FOXK1: variants seen among roughly 807,000 people sequenced by gnomAD.
The protein encoded by FOXK1 is forkhead box K1, also known as forkhead box protein K1.
Under a neutral mutation model 51.9 loss-of-function variants are expected in FOXK1, and 19 were observed. The ratio of observed to expected loss-of-function variants is 0.37; its 90% confidence interval spans 0.26 to 0.54. FOXK1 has a LOEUF of 0.54. Ranked by LOEUF, FOXK1 falls within the 20% of genes least tolerant of loss-of-function variation. The probability of loss-of-function intolerance (pLI) is 0.87; values close to 1 mark genes in which losing one functional copy is unlikely to be tolerated. For missense variants in FOXK1, 870 were observed against 1,032.7 expected (o/e 0.84, Z 2.16); for synonymous variants, 537 against 482.6 (o/e 1.11, Z -1.48).
In FOXK1 at chr7:4,711,980, C is replaced by T. The variant is rs1282207443; in HGVS notation, c.561-28858C>T. Among the ~76,000 whole-genome samples the T allele has an allele frequency of 6.6e-6, 1 of 151,024 alleles. No homozygotes were observed. Among genetic ancestry groups the T allele is most frequent in the Non-Finnish European group, 1.5e-5 (1 of 67,886 alleles). On this transcript the variant is annotated intron_variant, in intron 1 of 8. Coordinates refer to ENST00000328914, the MANE Select transcript of FOXK1 (RefSeq NM_001037165.2). This position sits in a 1 kb window ranked among gnomAD's most constrained non-coding sequence, Gnocchi z 6.3. ...GTGCCGCCGAGCAGGAGGGAGGACG[C>T]GGCAGGTCACAGAGCCCACCAAGTC...
intron 1 of FOXK1, among the ~76,000 whole-genome samples, chr7:4,717,159 A>G (rs1396041464): frequency 8.5e-6 from 1 of 118,308 alleles, no homozygotes; most frequent in African/African-American, 3.4e-5. Flanking sequence ...AGGCGTGTGG[A>G]TGGAAGGTGA....
chr7:4,756,599 C>T lies in FOXK1; in HGVS notation c.1051-395C>T, dbSNP rs1341649881. ...CCAAGAGTGTGAGACCCCATCTCAA[C>T]TAAAAATACAAAAAAATCAACCCAG... On this transcript the variant is annotated intron_variant, in intron 4 of 8. Coordinates refer to ENST00000328914, the MANE Select transcript of FOXK1 (RefSeq NM_001037165.2). The surrounding 1 kb of genome is among the most constrained non-coding windows in gnomAD (Gnocchi z 4.1). 6.6e-6 allele frequency among the ~76,000 whole-genome samples: 1 copy of T among 151,712 alleles called. No individual in the cohort carries two copies. The highest frequency in any genetic ancestry group is 1.5e-5 in the Non-Finnish European group (1 of 67,934).
In FOXK1 at chr7:4,753,507, A is replaced by C. The variant is rs182661606; in HGVS notation, c.747-952A>C. On this transcript the variant is annotated intron_variant, in intron 2 of 8. Transcript: ENST00000328914. The surrounding 1 kb of genome is among the most constrained non-coding windows in gnomAD (Gnocchi z 4.9). ...CCACGGGGGCTCTAAGTCAGCTGAG[A>C]GGGGGGATGTCAGCATCACAGGTGG... 6.6e-6 allele frequency among the ~76,000 whole-genome samples: 1 copy of C among 152,038 alleles called. No homozygotes were observed. The highest frequency in any genetic ancestry group is 1.5e-5 in the Non-Finnish European group (1 of 67,954).
In FOXK1 at chr7:4,756,147, C is replaced by T. The variant is rs537377497; in HGVS notation, c.1050+764C>T. ...GTTTGTTTTTTGAGACAGGATCTCG[C>T]TCTGCCATCCCGGCTGGAGTGTGGT... On this transcript the variant is annotated intron_variant, in intron 4 of 8. Transcript: ENST00000328914. This position sits in a 1 kb window ranked among gnomAD's most constrained non-coding sequence, Gnocchi z 4.1. Among the ~76,000 whole-genome samples, 1 of 152,290 alleles carries T rather than the reference C, an allele frequency of 6.6e-6. No individual in the cohort carries two copies. The highest frequency in any genetic ancestry group is 2.1e-4 in the South Asian group (1 of 4,830).
At chr7:4,740,317 C>G (rs935434843) in intron 1 of FOXK1, among the ~76,000 whole-genome samples, 2 of 152,116 alleles carry the variant, frequency 1.3e-5, no homozygotes, top group East Asian at 3.9e-4. Flanking sequence ...GTAGTCCCAG[C>G]TACTCGGGAG....
At position 4,685,945 on chromosome 7, in the gene FOXK1, TA is replaced by T. The variant is rs535085278; in HGVS notation, c.560+3083del. ...GCAACAGAGCAAGACTCCATCTCAA[TA>T]AAAAACAAAATGAAAAAAAAAAAAC... On this transcript the variant is annotated intron_variant, in intron 1 of 8. Transcript: ENST00000328914. Among the ~76,000 whole-genome samples the T allele has an allele frequency of 2.1e-3, 285 of 137,490 alleles. 2 individuals carry two copies. The highest frequency in any genetic ancestry group is 3.4e-3 in the Non-Finnish European group (216 of 63,490). The allele number at this position is 137,490 out of a possible 152,430, so 90.2% of individuals were successfully genotyped here.
rs1174035316 is a variant in FOXK1, at chr7:4,756,552, G to A, written c.1051-442G>A. On this transcript the variant is annotated intron_variant, in intron 4 of 8. Transcript: ENST00000328914. The surrounding 1 kb of genome is among the most constrained non-coding windows in gnomAD (Gnocchi z 4.1). Reference sequence around the variant, plus strand: ...TGTAATCCCAGCACTTTGGGAGGCCGAGGTGGAAGGATTGGTTAAGCCCAA... The same window carrying A: ...TGTAATCCCAGCACTTTGGGAGGCCAAGGTGGAAGGATTGGTTAAGCCCAA... Among the ~76,000 whole-genome samples the A allele has an allele frequency of 2.6e-5, 4 of 151,816 alleles. No homozygotes were observed. The highest frequency in any genetic ancestry group is 2.1e-4 in the South Asian group (1 of 4,814).
At chr7:4,705,560 G>GCTCTCGCTCTCGCT (rs1562372717) in intron 1 of FOXK1, among the ~76,000 whole-genome samples, 1 of 90,304 alleles carries the variant, frequency 1.1e-5, no homozygotes, top group Non-Finnish European at 2.4e-5. Flanking sequence ...TCTCTCTCTC[G>GCTCTCGCTCTCGCT]CTCTCGCTCT....
At chr7:4,698,864 T>G (rs1218409854) in intron 1 of FOXK1, among the ~76,000 whole-genome samples, 1 of 152,198 alleles carries the variant, frequency 6.6e-6, no homozygotes, top group Admixed American at 6.5e-5. Context: ...AGCTTTTTAT[T>G]TTTTATGGAG....
rs542458936 is a variant in FOXK1 at position 4,766,201 on chromosome 7, C to T, written c.*3737C>T. 6.6e-6 allele frequency: 1 copy of T among 152,094 alleles called. No homozygotes were observed. Among genetic ancestry groups the T allele is most frequent in the Admixed American group, 6.5e-5 (1 of 15,280 alleles). 9.4% of individuals were successfully genotyped at this position (152,094 alleles called of 1,614,324 possible). On this transcript the variant is annotated 3_prime_UTR_variant, in exon 9 of 9. Transcript: ENST00000328914. This position sits in a 1 kb window ranked among gnomAD's most constrained non-coding sequence, Gnocchi z 5.5. ...CTTTCTACATTCCTAAAAACCTCAA[C>T]GTTAATCCCTCACCAGTCGGGCCGA...
In FOXK1 at chr7:4,711,675, C is replaced by A. The variant is rs1284957422; in HGVS notation, c.560+28807C>A. ...GCGTCATACCCTCTCGTATCTGCAT[C>A]ACCCATAAGGGGTGGGCAGTGGTGC... On this transcript the variant is annotated intron_variant, in intron 1 of 8. Coordinates refer to ENST00000328914, the MANE Select transcript of FOXK1 (RefSeq NM_001037165.2). The surrounding 1 kb of genome is among the most constrained non-coding windows in gnomAD (Gnocchi z 6.3). 6.6e-6 allele frequency among the ~76,000 whole-genome samples: 1 copy of A among 152,210 alleles called. No individual in the cohort carries two copies. The highest frequency in any genetic ancestry group is 1.5e-5 in the Non-Finnish European group (1 of 68,036).
intron 1 of FOXK1, among the ~76,000 whole-genome samples, chr7:4,687,231 C>G (rs578124338): frequency 4.6e-5 from 7 of 151,636 alleles, no homozygotes; most frequent in Admixed American, 3.9e-4. Flanking sequence ...CACGCCCGGC[C>G]TTTTTTTTCC....
chr7:4,757,844 C>G (rs927410045), intron 5 of FOXK1, among the ~76,000 whole-genome samples: 3 of 152,046 alleles, frequency 2.0e-5, no homozygotes, highest in African/African-American at 7.2e-5. Flanking sequence ...TTGGTACCCA[C>G]AACCCCCGCC....
At position 4,736,656 on chromosome 7, in the gene FOXK1, C is replaced by T. The variant is rs982895939; in HGVS notation, c.561-4182C>T. 2.6e-5 allele frequency among the ~76,000 whole-genome samples: 4 copies of T among 152,108 alleles called. 1 individual carries two copies. The highest frequency in any genetic ancestry group is 1.3e-4 in the Admixed American group (2 of 15,264). On this transcript the variant is annotated intron_variant, in intron 1 of 8. Transcript: ENST00000328914. ...CTCGAACTCCTGACCTCAGGTGATC[C>T]GCCCACGTTGGCCACTCAGAGTGCT...
intron 1 of FOXK1, among the ~76,000 whole-genome samples, chr7:4,737,186 A>G (rs1256163728): frequency 6.6e-6 from 1 of 152,124 alleles, no homozygotes; most frequent in Non-Finnish European, 1.5e-5. Context: ...TCTTCTTTCT[A>G]CTTGGCCTTG....
intron 2 of FOXK1, 133 bp from the exon 3 acceptor site, chr7:4,754,326 G>T: frequency 9.9e-7 from 1 of 1,007,182 alleles, no homozygotes; most frequent in South Asian, 1.6e-5. Context: ...CGGGCAGTGT[G>T]GTGGCACTTA....
Position 4,682,460 on chromosome 7 carries a change from GGCC to G in FOXK1, c.168_170del (p.Pro59del), listed in dbSNP as rs1027159877. 4.5e-5 allele frequency: 44 copies of G among 982,248 alleles called. No homozygotes were observed. The highest frequency in any genetic ancestry group is 1.1e-4 in the East Asian group (1 of 8,762). 60.8% of individuals were successfully genotyped at this position (982,248 alleles called of 1,614,324 possible). On this transcript the variant is annotated inframe_deletion, in exon 1 of 9. Coordinates refer to ENST00000328914, the MANE Select transcript of FOXK1 (RefSeq NM_001037165.2). This position sits in a 1 kb window ranked among gnomAD's most constrained non-coding sequence, Gnocchi z 7.6. The stretch of plus-strand genomic sequence containing the variant: ...CCCGCGCAGCCCCAGCCTCCGCCCG[GGCC>G]GCCGCCGCCGCCGCCACCGCCGCTG...
chr7:4,742,520 G>A (rs1055598076), intron 2 of FOXK1, among the ~76,000 whole-genome samples: 15 of 152,062 alleles, frequency 9.9e-5, no homozygotes, highest in African/African-American at 1.7e-4. Flanking sequence ...GGGCTCAAGC[G>A]GTCTCCCCAC....
chr7:4,696,341 G>C (rs968998934), intron 1 of FOXK1, among the ~76,000 whole-genome samples: 1 of 152,242 alleles, frequency 6.6e-6, no homozygotes, highest in African/African-American at 2.4e-5. Context: ...TGTGTGTATT[G>C]GCTGTGGGTG....
Sources: gnomAD v4.1 joint callset for allele counts (sites outside exome capture counted in the v4.1 genomes callset) on GRCh38, gnomAD v4.1.1 for gene constraint, Gnocchi (gnomAD v3.1) non-coding constraint, MANE v1.5 for transcripts, NCBI Gene and HGNC (gene_info 2026-07-23, HGNC 2026-07-21) for gene names.